SHC3: variants seen among roughly 807,000 people sequenced by gnomAD.
The protein encoded by SHC3 is SHC adaptor protein 3.
SHC3 carries 15 observed loss-of-function variants against 60.4 expected under a neutral mutation model. The ratio of observed to expected loss-of-function variants is 0.25; its 90% CI spans 0.17 to 0.38. SHC3 has a LOEUF of 0.38. Among genes scored for constraint, SHC3 ranks in the 10% least tolerant of loss-of-function variants. SHC3 has a pLI of 1.00. For synonymous variants in SHC3, 294 were observed against 325.9 expected, an observed-to-expected ratio of 0.90 and a Z score of 1.05; for missense variants, 677 against 786.1, an observed-to-expected ratio of 0.86 and a Z score of 1.66.
In SHC3 at chr9:89,077,749, A is replaced by T. The variant is rs879035173; in HGVS notation, c.609+91T>A. On this transcript the variant is annotated intron_variant, in intron 3 of 11. Coordinates refer to ENST00000375835, the MANE Select transcript of SHC3 (RefSeq NM_016848.6). ...AAGCGCCGGGCCACAGAAAGAGGAC[A>T]ATGAATAATTCTGTGTGACTGAAGA... The T allele has an allele frequency of 1.5e-5, 22 of 1,454,136 alleles. No individual in the cohort carries two copies. In the South Asian group the frequency reaches 2.3e-4, roughly 15 times the overall value. The allele number at this position is 1,454,136 out of a possible 1,614,324, so 90.1% of individuals were successfully genotyped here. A position where few individuals can be genotyped will look rare whatever the true frequency, so the allele number is the denominator to read the frequency against.
chr9:89,045,551 AG>A (rs1260568864), intron 9 of SHC3, among the ~76,000 whole-genome samples, 194 bp downstream of exon 9: 1 of 152,180 alleles, frequency 6.6e-6, no homozygotes, highest in Non-Finnish European at 1.5e-5. Context: ...CTGGGATTAC[AG>A]GCGTGTGCCA....
At chr9:89,043,361 G>A (rs775595626) in intron 9 of SHC3, among the ~76,000 whole-genome samples, 6 of 152,314 alleles carry the variant, frequency 3.9e-5, no homozygotes, top group South Asian at 4.2e-4. Flanking sequence ...GTCAGATTAC[G>A]CATCCTTGCT....
chr9:89,153,339 T>C (rs78354954), intron 1 of SHC3, among the ~76,000 whole-genome samples: 1,677 of 152,298 alleles, frequency 0.011, 35 homozygotes, highest in African/African-American at 0.038. Flanking sequence ...GCCCTACTTA[T>C]AAGGCAGCGG....
In SHC3 at chr9:89,178,039, G is replaced by T; in HGVS notation, c.422C>A (p.Ala141Glu). ...CAGCACCTGGTCGCTGGCGTGCGGC[G>T]CCCCCCGAGGGGGCCTGGGCAGCGG... is the stretch of plus-strand genomic sequence containing the variant. The part of the protein sequence containing the change: ...DEPLPRPPRG[A>E]PHASDQVLGP... The change falls in exon 1 of 12, where the codon GCG becomes GAG. Residue 141 changes from alanine to glutamate, a missense_variant. Physicochemically the swap from Ala to Glu is moderately radical, Grantham distance 107. Transcript: ENST00000375835. The surrounding 1 kb of genome is among the most constrained non-coding windows in gnomAD (Gnocchi z 6.9). 1 of 1,230,188 alleles carries T rather than the reference G, an allele frequency of 8.1e-7. No individual in the cohort carries two copies. Among genetic ancestry groups the T allele is most frequent in the South Asian group, 3.9e-5 (1 of 25,848 alleles). The allele number at this position is 1,230,188 out of a possible 1,614,324, so 76.2% of individuals were successfully genotyped here. A position where few individuals can be genotyped will look rare whatever the true frequency, so the allele number is the denominator to read the frequency against.
chr9:89,178,320 C>T lies in SHC3; in HGVS notation c.141G>A (p.Leu47=). The stretch of plus-strand genomic sequence containing the variant: ...CCTTGCGCAGCGCCTCGCCGGACAC[C>T]AAGTAGGGAGCCGCCGCCGGGGTCG... ...ARATPAAAPY[L]VSGEALRKAP... Residue 47 remains leucine, a synonymous_variant, in exon 1 of 12, where the codon TTG becomes TTA. Coordinates refer to ENST00000375835, the MANE Select transcript of SHC3 (RefSeq NM_016848.6). This position sits in a 1 kb window ranked among gnomAD's most constrained non-coding sequence, Gnocchi z 6.9. The T allele has an allele frequency of 6.3e-7, 1 of 1,593,682 alleles. No individual in the cohort carries two copies. Among genetic ancestry groups the T allele is most frequent in the Non-Finnish European group, 8.5e-7 (1 of 1,172,216 alleles).
chr9:89,020,551 G>C (rs1826183228), intron 11 of SHC3, among the ~76,000 whole-genome samples: 1 of 152,146 alleles, frequency 6.6e-6, no homozygotes, highest in African/African-American at 2.4e-5. Flanking sequence ...ACAGTTTCTG[G>C]TGCCAGGATC....
chr9:89,103,562 G>A (rs746723839), intron 2 of SHC3, among the ~76,000 whole-genome samples: 38 of 152,228 alleles, frequency 2.5e-4, no homozygotes, highest in Non-Finnish European at 5.6e-4. Context: ...CGGATGTGGA[G>A]ATAGAGATTT....
intron 1 of SHC3, among the ~76,000 whole-genome samples, chr9:89,118,116 C>T (rs1826042140): frequency 6.6e-6 from 1 of 151,964 alleles, no homozygotes; most frequent in South Asian, 2.1e-4. Context: ...TTTCATATTA[C>T]AGTCTATACT....
Position 89,066,427 on chromosome 9 carries a change from C to G in SHC3, c.784-847G>C, listed in dbSNP as rs547447887. On this transcript the variant is annotated intron_variant, in intron 5 of 11. Coordinates refer to ENST00000375835, the MANE Select transcript of SHC3 (RefSeq NM_016848.6). ...AAAAATATGAGCTCTATTGAGAAGT[C>G]TCATCCTTCCATATGAAATGTGAGT... 9.2e-5 allele frequency among the ~76,000 whole-genome samples: 14 copies of G among 152,264 alleles called. 1 individual carries two copies. The highest frequency in any genetic ancestry group is 3.1e-4 in the African/African-American group (13 of 41,538).
chr9:89,074,399 C>T (rs1024063022), intron 4 of SHC3, among the ~76,000 whole-genome samples: 3 of 152,100 alleles, frequency 2.0e-5, no homozygotes, highest in South Asian at 2.1e-4. Flanking sequence ...TCACCTCCTG[C>T]GCCTCATTTG....
chr9:89,068,659 A>G (rs574936025), intron 5 of SHC3, among the ~76,000 whole-genome samples: 1 of 151,018 alleles, frequency 6.6e-6, no homozygotes, highest in East Asian at 1.9e-4. Flanking sequence ...AAATGTTTCC[A>G]ATTTTTTTTA....
rs1355256499 is a variant in SHC3 at position 89,009,590 on chromosome 9, G to A, written c.*3857C>T. The A allele has an allele frequency of 6.6e-6, 1 of 152,244 alleles. No homozygotes were observed. Among genetic ancestry groups the A allele is most frequent in the Non-Finnish European group, 1.5e-5 (1 of 68,056 alleles). 9.4% of individuals were successfully genotyped at this position (152,244 alleles called of 1,614,324 possible). On this transcript the variant is annotated 3_prime_UTR_variant, in exon 12 of 12. Coordinates refer to ENST00000375835, the MANE Select transcript of SHC3 (RefSeq NM_016848.6). Reference sequence around the variant, plus strand: ...AGCTGGGAACATGTATAGCCCTGCAGTGTAGAGCACGCCAAGGCTCAGAGA... The same window carrying A: ...AGCTGGGAACATGTATAGCCCTGCAATGTAGAGCACGCCAAGGCTCAGAGA...
chr9:89,084,399 A>G (rs1232352664), intron 2 of SHC3, among the ~76,000 whole-genome samples: 1 of 152,238 alleles, frequency 6.6e-6, no homozygotes, highest in Non-Finnish European at 1.5e-5. Flanking sequence ...ACTAGAAAAG[A>G]GGTTCCTAAA....
chr9:89,170,076 A>T (rs1433038694), intron 1 of SHC3, among the ~76,000 whole-genome samples: 1 of 151,920 alleles, frequency 6.6e-6, no homozygotes, highest in Non-Finnish European at 1.5e-5. Context: ...TGGGTTGTGG[A>T]GGCCTTTTCC....
chr9:89,157,970 C>T (rs560480646), intron 1 of SHC3, among the ~76,000 whole-genome samples: 8 of 151,656 alleles, frequency 5.3e-5, no homozygotes, highest in South Asian at 2.1e-4. Flanking sequence ...TCTGATTGTG[C>T]GTTCATTGAT....
chr9:89,094,490 C>T (rs950155171), intron 2 of SHC3, among the ~76,000 whole-genome samples: 2 of 152,152 alleles, frequency 1.3e-5, no homozygotes, highest in African/African-American at 4.8e-5. Context: ...CAATGACATG[C>T]AAAAGGTAGG....
Position 89,044,392 on chromosome 9 carries a change from C to T in SHC3, c.1201+1354G>A, listed in dbSNP as rs372372583. On this transcript the variant is annotated intron_variant, in intron 9 of 11. Coordinates refer to ENST00000375835, the MANE Select transcript of SHC3 (RefSeq NM_016848.6). ...CTTCCTGCATCTGGGGCAGGCGAGACGAAATTCTCTTACACAGAGGACATT... is the reference window on the plus strand; with the variant it reads ...CTTCCTGCATCTGGGGCAGGCGAGATGAAATTCTCTTACACAGAGGACATT... 2.2e-4 allele frequency among the ~76,000 whole-genome samples: 34 copies of T among 152,280 alleles called. No individual in the cohort carries two copies. The South Asian group carries it at 5.8e-3, about 26-fold the overall frequency.
At chr9:89,090,972 A>G (rs1307256274) in intron 2 of SHC3, among the ~76,000 whole-genome samples, 2 of 152,240 alleles carry the variant, frequency 1.3e-5, no homozygotes, top group African/African-American at 4.8e-5. Flanking sequence ...ATAACAAGTC[A>G]GATATAGCCT....
intron 2 of SHC3, among the ~76,000 whole-genome samples, chr9:89,108,273 G>T (rs1825894070): frequency 1.3e-5 from 2 of 152,064 alleles, no homozygotes; most frequent in Admixed American, 6.5e-5. Context: ...AGCACTTTGG[G>T]AGGCTGAGGT....
Sources: allele counts gnomAD v4.1 joint callset (sites outside exome capture counted in the v4.1 genomes callset), GRCh38; gene constraint gnomAD v4.1.1; non-coding constraint Gnocchi (gnomAD v3.1); transcripts MANE v1.5; gene names NCBI Gene and HGNC (gene_info 2026-07-23, HGNC 2026-07-21).